The following TAS2R30 variants were observed in gnomAD, a reference collection of about 807,000 sequenced individuals.
TAS2R30 encodes taste 2 receptor member 30.
For missense variants in TAS2R30, 395 were observed against 371.6 expected (o/e 1.06, Z -0.52); for synonymous variants, 141 against 131.6 (o/e 1.07, Z -0.49).
exon 1 of TAS2R30, chr12:11,133,467 C>A (rs1348970427): frequency 6.2e-7 from 1 of 1,614,070 alleles, no homozygotes; most frequent in Non-Finnish European, 8.5e-7. Context: ...AACATGAAGA[C>A]AGGTTGCTTT....
At chr12:11,134,529 C>T in exon 1 of TAS2R30, 1 of 357,278 alleles carries the variant, frequency 2.8e-6, no homozygotes, top group Non-Finnish European at 5.0e-6. Context: ...ATTATTCATA[C>T]TGAAATTGAC....
At chr12:11,133,948 A>T in exon 1 of TAS2R30, 1 of 1,614,174 alleles carries the variant, frequency 6.2e-7, no homozygotes, top group Non-Finnish European at 8.5e-7. Context: ...TGAGGCTAGT[A>T]GCAAGCCAGC....
exon 1 of TAS2R30, chr12:11,133,220 A>G (rs1946425024): frequency 1.3e-6 from 2 of 1,530,246 alleles, no homozygotes; most frequent in East Asian, 4.5e-5. Flanking sequence ...TTATTCATAT[A>G]CATATATTAC....
At chr12:11,133,789 A>G (rs1946453753) in exon 1 of TAS2R30, 1 of 1,614,100 alleles carries the variant, frequency 6.2e-7, no homozygotes, top group Admixed American at 1.7e-5. Context: ...TTGTCCATAC[A>G]GTCTCATCCA....
At chr12:11,134,034 A>G (rs1946470959) in exon 1 of TAS2R30, 3 of 1,614,122 alleles carry the variant, frequency 1.9e-6, no homozygotes, top group Non-Finnish European at 2.5e-6. Context: ...GCTGGATTCA[A>G]CTGAGTTGCA....
At chr12:11,134,093 A>G (rs751942037) in exon 1 of TAS2R30, 2 of 1,614,166 alleles carry the variant, frequency 1.2e-6, no homozygotes, top group Non-Finnish European at 8.5e-7. Context: ...GGAGACCGCC[A>G]GAGCAGTGAG....
At position 11,134,112 on chromosome 12, in the gene TAS2R30, C is replaced by T. The variant is rs1946475037; in HGVS notation, c.133G>A (p.Asp45Asn). ...ACCGCCAGAGCAGTGAGAATTTGGT[C>T]AACAAAGGAGATCTTTTGTCTCTTG... is the stretch of plus-strand genomic sequence containing the variant. Residue 45 changes from aspartate (D) to asparagine (N), a missense_variant, in exon 1 of 1, where the codon GAC becomes AAC. By Grantham distance (23) the Asp-to-Asn change is conservative (BLOSUM62 1). Coordinates refer to ENST00000539585, the Ensembl canonical transcript of TAS2R30. 6 of 1,613,990 alleles carry T rather than the reference C, an allele frequency of 3.7e-6. No individual in the cohort carries two copies. In the Admixed American group the frequency reaches 6.7e-5, roughly 18 times the overall value.
chr12:11,133,744 T>C (rs752515043), exon 1 of TAS2R30: 25 of 1,614,070 alleles, frequency 1.5e-5, no homozygotes, highest in Non-Finnish European at 2.1e-5. Context: ...CACTCCTCAA[T>C]TTGATCTTCC....
At chr12:11,133,157 A>G in exon 1 of TAS2R30, 1 of 1,156,640 alleles carries the variant, frequency 8.6e-7, no homozygotes, top group East Asian at 2.7e-5. Context: ...ATATATATGT[A>G]CTTTTCTAGA....
exon 1 of TAS2R30, chr12:11,134,300 A>G: frequency 1.7e-6 from 2 of 1,152,796 alleles, no homozygotes; most frequent in East Asian, 5.1e-5. Flanking sequence ...ACTGGTTGTG[A>G]TTGCTTGAAT....
exon 1 of TAS2R30, chr12:11,133,684 G>A (rs1946446836): frequency 6.2e-7 from 1 of 1,614,198 alleles, no homozygotes; most frequent in Non-Finnish European, 8.5e-7. Context: ...TCAGAGTGAG[G>A]GGTACAAAGT....
chr12:11,133,122 C>CAT, exon 1 of TAS2R30: 4 of 655,598 alleles, frequency 6.1e-6, no homozygotes, highest in Non-Finnish European at 8.8e-6. Flanking sequence ...GTTTTTCATA[C>CAT]ACACACACAC....
chr12:11,133,088 G>T, exon 1 of TAS2R30: 1 of 613,680 alleles, frequency 1.6e-6, no homozygotes, highest in Non-Finnish European at 2.4e-6. Flanking sequence ...ACAATAAAAA[G>T]CATGTTATTG....
the TAS2R30 span, chr12:11,133,596 G>A: frequency 5.6e-6 from 9 of 1,614,158 alleles, no homozygotes; most frequent in Admixed American, 1.5e-4. Flanking sequence ...CTGGGATCTT[G>A]AGATCCTTTG....
chr12:11,134,505 T>C, exon 1 of TAS2R30: 1 of 444,562 alleles, frequency 2.2e-6, no homozygotes, highest in Non-Finnish European at 3.9e-6. Context: ...CATCTGTTCT[T>C]GTTATAGGCT....
exon 1 of TAS2R30, chr12:11,134,514 C>T (rs1247856595): frequency 4.8e-6 from 2 of 414,684 alleles, no homozygotes; most frequent in Non-Finnish European, 8.5e-6. Flanking sequence ...TTGTTATAGG[C>T]TGGAATTATT....
exon 1 of TAS2R30, chr12:11,133,586 C>G (rs773272385): frequency 5.6e-6 from 9 of 1,614,250 alleles, no homozygotes; most frequent in Non-Finnish European, 7.6e-6. Flanking sequence ...GACCTTGGTG[C>G]TGGGATCTTG....
At chr12:11,134,583 G>A (rs1033506795) in exon 1 of TAS2R30, 3 of 256,058 alleles carry the variant, frequency 1.2e-5, no homozygotes, top group Non-Finnish European at 2.2e-5. Context: ...ACAAGGACAT[G>A]TTCACTTCCA....
chr12:11,133,522 G>C, the TAS2R30 span: 2 of 1,614,032 alleles, frequency 1.2e-6, no homozygotes, highest in South Asian at 2.2e-5. Flanking sequence ...TGGACAGAAA[G>C]TAAATGGCAC....
Sources: gnomAD v4.1 joint callset for allele counts on GRCh38, gnomAD v4.1.1 for gene constraint, MANE v1.5 for transcripts, NCBI Gene and HGNC (gene_info 2026-07-23, HGNC 2026-07-21) for gene names.